Variants in CAMTA1 observed in about 807,000 individuals in gnomAD.
The protein encoded by CAMTA1 is calmodulin binding transcription activator 1.
CAMTA1 carries 27 observed loss-of-function variants against 170.9 expected under a neutral mutation model. The observed-to-expected ratio is 0.16, with a 90% confidence interval of 0.12 to 0.22. The LOEUF (loss-of-function observed/expected upper bound fraction) is 0.22, where lower values mean the gene tolerates loss of function less well. CAMTA1 is among the 10% of genes least tolerant of loss of function. CAMTA1 has a pLI of 1.00. For missense variants in CAMTA1, 1,619 were observed against 2,217.2 expected (o/e 0.73, Z 5.42); for synonymous variants, 833 against 891.5 (o/e 0.93, Z 1.17).
Position 6,918,324 on chromosome 1 carries a change from G to A in CAMTA1, c.234+93114G>A, listed in dbSNP as rs532753835. Among the ~76,000 whole-genome samples the A allele has an allele frequency of 2.6e-5, 4 of 152,144 alleles. No homozygotes were observed. In the East Asian group the frequency reaches 5.8e-4, roughly 22 times the overall value. On this transcript the variant is annotated intron_variant, in intron 3 of 22. Transcript: ENST00000303635. The surrounding 1 kb of genome is among the most constrained non-coding windows in gnomAD (Gnocchi z 4.0). ...ACATTTATGCTTGACTGAAGCACAGGCCACATTTGTCCTGGGAGCCAATGA... is the reference window on the plus strand; with the variant it reads ...ACATTTATGCTTGACTGAAGCACAGACCACATTTGTCCTGGGAGCCAATGA...
chr1:7,686,035 G>A (rs901917397), intron 11 of CAMTA1, among the ~76,000 whole-genome samples: 7 of 151,998 alleles, frequency 4.6e-5, no homozygotes, highest in African/African-American at 1.7e-4. Context: ...CCTTAATTCA[G>A]CCCAAACTAA....
intron 6 of CAMTA1, among the ~76,000 whole-genome samples, chr1:7,548,470 T>G (rs2094734233): frequency 3.1e-5 from 2 of 65,506 alleles, no homozygotes; most frequent in African/African-American, 6.5e-5. Flanking sequence ...CCCTTAGGAG[T>G]GGAGGTGCTG....
chr1:7,192,039 TG>T lies in CAMTA1; in HGVS notation c.303-57447del, dbSNP rs142502718. ...TTAGCTTGTTGGGGGCTGGGACTGGTGGGGGAATAGTGTCATCTTTTGCTAG... is the reference window on the plus strand; with the variant it reads ...TTAGCTTGTTGGGGGCTGGGACTGGTGGGGAATAGTGTCATCTTTTGCTAG... On this transcript the variant is annotated intron_variant, in intron 4 of 22. Transcript: ENST00000303635. 2.8e-4 allele frequency among the ~76,000 whole-genome samples: 36 copies of T among 130,170 alleles called. No homozygotes were observed. In the East Asian group the frequency reaches 6.8e-3, roughly 24 times the overall value. 85.4% of individuals were successfully genotyped at this position (130,170 alleles called of 152,430 possible).
intron 3 of CAMTA1, among the ~76,000 whole-genome samples, chr1:6,852,799 C>T (rs1020669580): frequency 2.6e-5 from 4 of 152,200 alleles, no homozygotes; most frequent in South Asian, 2.1e-4. Flanking sequence ...GGCCATTGGC[C>T]GTTGGTTATT....
chr1:6,806,961 A>T (rs1644584070), intron 1 of CAMTA1: 1 of 524,490 alleles, frequency 1.9e-6, no homozygotes, highest in Non-Finnish European at 3.5e-6. Flanking sequence ...TCAACAAATA[A>T]CAAAGTGCCT....
chr1:7,060,668 A>T (rs2101742029), intron 3 of CAMTA1, among the ~76,000 whole-genome samples: 1 of 152,258 alleles, frequency 6.6e-6, no homozygotes, highest in South Asian at 2.1e-4. Flanking sequence ...GGCGCCCCTG[A>T]GGTGCTCACG....
At chr1:7,032,505 A>C (rs1026058045) in intron 3 of CAMTA1, among the ~76,000 whole-genome samples, 8 of 152,026 alleles carry the variant, frequency 5.3e-5, no homozygotes, top group African/African-American at 1.9e-4. Context: ...CTTTTTTTAA[A>C]TTCTTCTCAT....
intron 6 of CAMTA1, among the ~76,000 whole-genome samples, chr1:7,512,511 C>T (rs1262272181): frequency 6.6e-6 from 1 of 152,200 alleles, no homozygotes; most frequent in African/African-American, 2.4e-5. Context: ...GATTCAGTGG[C>T]TGTGTCCAGG....
intron 4 of CAMTA1, among the ~76,000 whole-genome samples, chr1:7,242,070 A>G (rs755504605): frequency 4.6e-5 from 7 of 152,204 alleles, no homozygotes; most frequent in Non-Finnish European, 1.0e-4. Flanking sequence ...AAGGACTTGT[A>G]TCTAGATTAT....
chr1:7,687,099 G>A (rs573933494), intron 11 of CAMTA1, among the ~76,000 whole-genome samples: 3 of 151,976 alleles, frequency 2.0e-5, no homozygotes, highest in Admixed American at 6.6e-5. Context: ...GGAGTCCTCC[G>A]CGTGCAGATG....
chr1:7,316,612 G>A (rs531348049), intron 5 of CAMTA1, among the ~76,000 whole-genome samples: 11 of 152,248 alleles, frequency 7.2e-5, no homozygotes, highest in Non-Finnish European at 1.2e-4. Flanking sequence ...AATTCTGTTC[G>A]TTCATTTAGT....
chr1:7,683,181 CAAAAA>C (rs34814185), intron 11 of CAMTA1, among the ~76,000 whole-genome samples: 2 of 89,496 alleles, frequency 2.2e-5, no homozygotes. Context: ...GACTCTGTCT[CAAAAA>C]AAAAAAAAAA....
rs116598262 is a variant in CAMTA1 at position 7,291,072 on chromosome 1, G to A, written c.438+41446G>A. Among the ~76,000 whole-genome samples the A allele has an allele frequency of 4.8e-3, 730 of 152,250 alleles. 7 individuals are homozygous for A. The highest frequency in any genetic ancestry group is 0.017 in the African/African-American group (695 of 41,526). ...GCCACATTCCTCTTCTGAGTCTGCC[G>A]GGACTGCTGTGGAAGGTGCTCAGTG... On this transcript the variant is annotated intron_variant, in intron 5 of 22. Coordinates refer to ENST00000303635, the MANE Select transcript of CAMTA1 (RefSeq NM_015215.4).
At chr1:7,270,325 A>C in intron 5 of CAMTA1, among the ~76,000 whole-genome samples, 3 of 134,560 alleles carry the variant, frequency 2.2e-5, no homozygotes, top group Admixed American at 8.0e-5. Context: ...ATGGAGTTTC[A>C]CTCTTGTTAC....
At chr1:7,024,308 C>T (rs935146682) in intron 3 of CAMTA1, among the ~76,000 whole-genome samples, 1 of 152,122 alleles carries the variant, frequency 6.6e-6, no homozygotes, top group Non-Finnish European at 1.5e-5. Context: ...AAGCAAAAAT[C>T]CATGTGTGGG....
intron 5 of CAMTA1, among the ~76,000 whole-genome samples, chr1:7,307,177 G>A (rs1675723369): frequency 1.3e-5 from 2 of 151,746 alleles, no homozygotes; most frequent in Non-Finnish European, 2.9e-5. Flanking sequence ...TTTTTATTAG[G>A]TTTTTACCTA....
At chr1:7,292,658 A>G (rs1673319077) in intron 5 of CAMTA1, among the ~76,000 whole-genome samples, 1 of 152,112 alleles carries the variant, frequency 6.6e-6, no homozygotes, top group Admixed American at 6.5e-5. Flanking sequence ...TCCCTGATTG[A>G]ATTCCTCCTT....
intron 5 of CAMTA1, among the ~76,000 whole-genome samples, chr1:7,295,963 G>A (rs952667268): frequency 5.9e-5 from 9 of 152,226 alleles, no homozygotes; most frequent in African/African-American, 2.2e-4. Context: ...TACCGAAAAG[G>A]TGCTGGCCAG....
chr1:7,087,209 C>CT (rs1450171222), intron 3 of CAMTA1, among the ~76,000 whole-genome samples: 2 of 152,232 alleles, frequency 1.3e-5, no homozygotes, highest in Non-Finnish European at 2.9e-5. Context: ...AAAAACCTTT[C>CT]TTTTCACAAC....
Sources: gnomAD v4.1 joint callset for allele counts (sites outside exome capture counted in the v4.1 genomes callset) on GRCh38, gnomAD v4.1.1 for gene constraint, Gnocchi (gnomAD v3.1) non-coding constraint, MANE v1.5 for transcripts, NCBI Gene and HGNC (gene_info 2026-07-23, HGNC 2026-07-21) for gene names.